TENM3: variants seen among roughly 807,000 people sequenced by gnomAD.
TENM3 encodes the protein teneurin transmembrane protein 3.
TENM3 carries 63 observed loss-of-function variants against 255.1 expected under a neutral mutation model. The observed-to-expected ratio is 0.25, with a 90% CI of 0.20 to 0.30. The LOEUF (loss-of-function observed/expected upper bound fraction) is 0.30, where lower values mean the gene tolerates loss of function less well. Ranked by LOEUF, TENM3 falls within the 10% of genes least tolerant of loss-of-function variation. TENM3 has a pLI of 1.00. For missense variants in TENM3, 2,929 were observed against 3,461.1 expected (o/e 0.85, Z 3.86); for synonymous variants, 1,306 against 1,322.3 (o/e 0.99, Z 0.27).
the TENM3 span, among the ~76,000 whole-genome samples, chr4:181,698,945 T>A: frequency 6.6e-6 from 1 of 152,214 alleles, no homozygotes; most frequent in Admixed American, 6.5e-5. Context: ...ACATTTAACT[T>A]TTTTTAAAAG....
chr4:182,271,812 G>A (rs991810184), intron 1 of TENM3, among the ~76,000 whole-genome samples: 8 of 152,188 alleles, frequency 5.3e-5, no homozygotes, highest in African/African-American at 1.4e-4. Context: ...AGTCAATGTC[G>A]AAGAAAGGAT....
the TENM3 span, among the ~76,000 whole-genome samples, chr4:181,889,762 C>T: frequency 9.9e-5 from 15 of 152,234 alleles, no homozygotes; most frequent in South Asian, 2.9e-3. Flanking sequence ...TGTGGAAATC[C>T]TAACATCCTC....
intron 3 of TENM3, among the ~76,000 whole-genome samples, chr4:182,587,417 G>A (rs943251729): frequency 4.6e-5 from 7 of 151,970 alleles, no homozygotes; most frequent in Non-Finnish European, 8.8e-5. Flanking sequence ...AAATTGGCTG[G>A]GCTAAAAATA....
chr4:181,538,646 G>T, the TENM3 span, among the ~76,000 whole-genome samples: 1 of 152,144 alleles, frequency 6.6e-6, no homozygotes, highest in African/African-American at 2.4e-5. Context: ...AGGAAGAAGT[G>T]ACACCTGAGC....
At chr4:182,705,284 G>A (rs891869086) in intron 12 of TENM3, among the ~76,000 whole-genome samples, 5 of 152,178 alleles carry the variant, frequency 3.3e-5, no homozygotes, top group South Asian at 2.1e-4. Flanking sequence ...TTTTAAGTCC[G>A]TGTTCGGAAG....
At chr4:181,943,581 T>A in the TENM3 span, among the ~76,000 whole-genome samples, 1 of 152,166 alleles carries the variant, frequency 6.6e-6, no homozygotes, top group Admixed American at 6.5e-5. Context: ...CTGTTATTAA[T>A]TAAATTCACT....
chr4:182,259,006 A>G (rs1452011596), intron 1 of TENM3, among the ~76,000 whole-genome samples: 1 of 152,204 alleles, frequency 6.6e-6, no homozygotes, highest in African/African-American at 2.4e-5. Context: ...TATATTTAAA[A>G]TGTTTTAGTA....
intron 3 of TENM3, among the ~76,000 whole-genome samples, chr4:182,538,440 G>T (rs182364882): frequency 5.9e-5 from 9 of 152,320 alleles, no homozygotes; most frequent in Admixed American, 5.9e-4. Flanking sequence ...AGAGAAAGAA[G>T]AAAATACAGG....
intron 22 of TENM3, among the ~76,000 whole-genome samples, chr4:182,762,239 G>A (rs11737771): frequency 0.39 from 59,101 of 152,028 alleles, 11,823 homozygotes; most frequent in Middle Eastern, 0.45. Context: ...TCAATATTCC[G>A]GATGTGCTAA....
At chr4:182,696,584 A>G (rs1433919201) in intron 12 of TENM3, among the ~76,000 whole-genome samples, 4 of 151,924 alleles carry the variant, frequency 2.6e-5, no homozygotes, top group Admixed American at 2.6e-4. Context: ...AATTAGCTGG[A>G]TGTGGTGGTG....
intron 3 of TENM3, among the ~76,000 whole-genome samples, chr4:182,478,215 C>G (rs1733861992): frequency 6.6e-6 from 1 of 151,974 alleles, no homozygotes; most frequent in Non-Finnish European, 1.5e-5. Flanking sequence ...ATACTACTCT[C>G]ATTCTTTAAA....
At chr4:182,413,662 A>C (rs1385598964) in intron 3 of TENM3, among the ~76,000 whole-genome samples, 2 of 152,100 alleles carry the variant, frequency 1.3e-5, no homozygotes, top group Non-Finnish European at 2.9e-5. Context: ...CCCAAACCGA[A>C]GTGTTCTCAT....
At chr4:182,257,224 G>T (rs6852603) in intron 1 of TENM3, among the ~76,000 whole-genome samples, 1,557 of 152,306 alleles carry the variant, frequency 0.01, 28 homozygotes, top group African/African-American at 0.035. Flanking sequence ...TGATGTTGAT[G>T]CTGACAGACT....
the TENM3 span, among the ~76,000 whole-genome samples, chr4:182,043,557 T>C: frequency 6.6e-6 from 1 of 152,176 alleles, no homozygotes; most frequent in Non-Finnish European, 1.5e-5. Context: ...CATTCAAATG[T>C]GAATCATTAC....
intron 3 of TENM3, among the ~76,000 whole-genome samples, chr4:182,430,777 C>T (rs1450348113): frequency 1.3e-5 from 2 of 152,058 alleles, no homozygotes; most frequent in South Asian, 2.1e-4. Flanking sequence ...CTGCAGGAGC[C>T]GAGGCGGGCG....
the TENM3 span, among the ~76,000 whole-genome samples, chr4:181,699,955 GGTA>G: frequency 6.6e-6 from 1 of 152,086 alleles, no homozygotes; most frequent in Non-Finnish European, 1.5e-5. Context: ...TTCCTAATGA[GGTA>G]GGCCTATTTT....
Position 182,793,288 on chromosome 4 carries a change from G to A in TENM3, c.6616G>A (p.Glu2206Lys), listed in dbSNP as rs762243458. 1 of 1,613,894 alleles carries A rather than the reference G, an allele frequency of 6.2e-7. No homozygotes were observed. Among genetic ancestry groups the A allele is most frequent in the South Asian group, 1.1e-5 (1 of 91,066 alleles). ...FLRQRGTEIF[E>K]YSSKGLLTRV... is the part of the protein sequence containing the mutation. ...ACGTCAAAGGGGCACGGAAATCTTT[G>A]AATATAGCTCCAAGGGGCTTCTAAC... Residue 2206 changes from glutamate to lysine, a missense_variant, in exon 26 of 28, where the codon GAA becomes AAA. By Grantham distance (56) the Glu-to-Lys change is moderately conservative. Transcript: ENST00000511685. This position sits in a 1 kb window ranked among gnomAD's most constrained non-coding sequence, Gnocchi z 5.7.
At chr4:182,281,117 T>C (rs1333471066) in intron 1 of TENM3, among the ~76,000 whole-genome samples, 1 of 152,212 alleles carries the variant, frequency 6.6e-6, no homozygotes, top group Non-Finnish European at 1.5e-5. Context: ...CTCCTTCACA[T>C]CTTTAAGTTG....
At chr4:182,520,118 A>G (rs1738414760) in intron 3 of TENM3, among the ~76,000 whole-genome samples, 1 of 152,172 alleles carries the variant, frequency 6.6e-6, no homozygotes, top group Admixed American at 6.5e-5. Context: ...ATGAAATTTG[A>G]AGGAAAAGAA....
Sources: allele counts gnomAD v4.1 joint callset (sites outside exome capture counted in the v4.1 genomes callset), GRCh38; gene constraint gnomAD v4.1.1; non-coding constraint Gnocchi (gnomAD v3.1); transcripts MANE v1.5; gene names NCBI Gene and HGNC (gene_info 2026-07-23, HGNC 2026-07-21).